Variants in PCDHA9 observed in about 807,000 individuals in gnomAD.
The protein encoded by PCDHA9 is protocadherin alpha 9, also known as protocadherin alpha-9.
In PCDHA9, 62 loss-of-function variants were observed where a neutral mutation model predicts 62.0. The ratio of observed to expected loss-of-function variants is 1.00; its 90% CI spans 0.81 to 1.23. The LOEUF (loss-of-function observed/expected upper bound fraction) is 1.23, where lower values mean the gene tolerates loss of function less well. PCDHA9 is among the 50% of genes most tolerant of loss of function. The pLI is 0.00. For missense variants in PCDHA9, 1,205 were observed against 1,249.8 expected, an observed-to-expected ratio of 0.96 and a Z score of 0.54; for synonymous variants, 557 against 567.6, an observed-to-expected ratio of 0.98 and a Z score of 0.27.
intron 1 of PCDHA9, chr5:140,867,813 C>A (rs1189080463): frequency 6.6e-6 from 1 of 152,032 alleles, no homozygotes; most frequent in African/African-American, 2.4e-5. Flanking sequence ...TATGAAATTC[C>A]ATTTCCACAA....
chr5:140,874,500 C>T (rs1241228989), intron 1 of PCDHA9, among the ~76,000 whole-genome samples: 1 of 152,220 alleles, frequency 6.6e-6, no homozygotes, highest in African/African-American at 2.4e-5. Context: ...ATCAAGTTCA[C>T]ATTCTCTTGA....
chr5:140,995,764 G>C (rs2097697128), intron 3 of PCDHA9, among the ~76,000 whole-genome samples: 1 of 152,134 alleles, frequency 6.6e-6, no homozygotes, highest in Non-Finnish European at 1.5e-5. Flanking sequence ...AGAAAATGTG[G>C]AGAGTGAAGG....
chr5:140,893,862 C>T (rs1376548113), intron 1 of PCDHA9, among the ~76,000 whole-genome samples: 1 of 152,158 alleles, frequency 6.6e-6, no homozygotes, highest in East Asian at 1.9e-4. Flanking sequence ...TGTATAGAAA[C>T]AACCCAGATC....
chr5:140,863,639 A>C, intron 1 of PCDHA9: 2 of 305,014 alleles, frequency 6.6e-6, no homozygotes, highest in South Asian at 6.1e-5. Context: ...ATGTTCACCA[A>C]GTTATTAATT....
At chr5:140,871,496 T>C in intron 1 of PCDHA9, 1 of 1,587,392 alleles carries the variant, frequency 6.3e-7, no homozygotes, top group Non-Finnish European at 8.6e-7. Flanking sequence ...CCCGGACAGG[T>C]GAGTTTTCTA....
Position 140,857,427 on chromosome 5 carries a change from C to A in PCDHA9, c.2394+6538C>A, listed in dbSNP as rs781871079. 21 of 1,598,334 alleles carry A rather than the reference C, an allele frequency of 1.3e-5. 1 individual carries two copies. The highest frequency in any genetic ancestry group is 4.4e-5 in the South Asian group (4 of 90,554). On this transcript the variant is annotated intron_variant, in intron 1 of 3. Transcript: ENST00000532602. ...CCTGCGTTCGCGCAGTCCGAGTACACGGTGTTCGTGAAGGAGAACAACCCG... is the reference window on the plus strand; with the variant it reads ...CCTGCGTTCGCGCAGTCCGAGTACAAGGTGTTCGTGAAGGAGAACAACCCG...
intron 1 of PCDHA9, chr5:140,884,203 C>G (rs554797854): frequency 6.2e-7 from 1 of 1,613,518 alleles, no homozygotes; most frequent in African/African-American, 1.3e-5. Context: ...CGCCGCACCA[C>G]CGCCTTCTGG....
Position 140,982,372 on chromosome 5 carries a change from C to G in PCDHA9, c.2454-103C>G, listed in dbSNP as rs1479669249. 1.9e-6 allele frequency: 3 copies of G among 1,554,840 alleles called. No homozygotes were observed. In the East Asian group the frequency reaches 7.0e-5, roughly 36 times the overall value. ...TTCAAGCATGAGCAGAATGTGTTAG[C>G]TGCAGCCCTGGCTTCATAGTTGTAA... On this transcript the variant is annotated intron_variant, in intron 2 of 3. Coordinates refer to ENST00000532602, the MANE Select transcript of PCDHA9 (RefSeq NM_031857.2).
At chr5:140,993,569 A>G (rs1311165766) in intron 3 of PCDHA9, among the ~76,000 whole-genome samples, 1 of 151,734 alleles carries the variant, frequency 6.6e-6, no homozygotes, top group East Asian at 1.9e-4. Flanking sequence ...TATCCTTTCT[A>G]GGGATGCTTT....
Position 141,009,965 on chromosome 5 carries a change from G to A in PCDHA9, c.*28G>A, listed in dbSNP as rs782001097. On this transcript the variant is annotated 3_prime_UTR_variant, in exon 4 of 4. Coordinates refer to ENST00000532602, the MANE Select transcript of PCDHA9 (RefSeq NM_031857.2). ...TCCTCAAATGGAAACAAGCCACTTA[G>A]CCAGTTTTTGTAATAATGGCAAATC... is the stretch of plus-strand genomic sequence containing the variant. 1.6e-5 allele frequency: 26 copies of A among 1,587,906 alleles called. No individual in the cohort carries two copies. Among genetic ancestry groups the A allele is most frequent in the Non-Finnish European group, 2.6e-6 (3 of 1,170,436 alleles).
At chr5:140,895,660 A>G (rs2065094898) in intron 1 of PCDHA9, among the ~76,000 whole-genome samples, 6 of 152,160 alleles carry the variant, frequency 3.9e-5, no homozygotes, top group Admixed American at 3.9e-4. Context: ...CTTATAAGTG[A>G]GAACATGTAG....
intron 1 of PCDHA9, among the ~76,000 whole-genome samples, chr5:140,937,469 T>C (rs1322050073): frequency 6.6e-6 from 1 of 152,210 alleles, no homozygotes; most frequent in Non-Finnish European, 1.5e-5. Flanking sequence ...ATACAAAAAT[T>C]AGCTGGACAT....
intron 1 of PCDHA9, among the ~76,000 whole-genome samples, chr5:140,892,561 A>G (rs766284976): frequency 1.3e-5 from 2 of 152,156 alleles, no homozygotes; most frequent in Non-Finnish European, 2.9e-5. Context: ...GTCCTTGGAG[A>G]CTGTCAAAAG....
intron 1 of PCDHA9, chr5:140,871,327 C>T (rs782093100): frequency 6.2e-6 from 10 of 1,613,984 alleles, no homozygotes; most frequent in East Asian, 4.5e-5. Context: ...GGTGTGCTCC[C>T]GCGCGGTGGG....
intron 3 of PCDHA9, among the ~76,000 whole-genome samples, chr5:141,007,087 A>G (rs1554261040): frequency 6.6e-6 from 1 of 152,112 alleles, no homozygotes; most frequent in African/African-American, 2.4e-5. Context: ...AATAGAGAAG[A>G]GAGTCTAGGG....
chr5:140,855,277 C>T (rs1581364290), intron 1 of PCDHA9, among the ~76,000 whole-genome samples: 2 of 149,744 alleles, frequency 1.3e-5, no homozygotes, highest in Middle Eastern at 3.4e-3. Context: ...ACTCAACCAC[C>T]GTATTACTAT....
At chr5:140,898,899 C>A (rs1457821018) in intron 1 of PCDHA9, among the ~76,000 whole-genome samples, 2 of 152,072 alleles carry the variant, frequency 1.3e-5, no homozygotes, top group Non-Finnish European at 2.9e-5. Context: ...TTGAAGAGGT[C>A]CTTCACGTCC....
At chr5:140,963,244 T>G (rs934081934) in intron 1 of PCDHA9, among the ~76,000 whole-genome samples, 6 of 152,104 alleles carry the variant, frequency 3.9e-5, no homozygotes, top group Admixed American at 3.3e-4. Flanking sequence ...ATGGATTAGG[T>G]AGGTTTTCAT....
intron 1 of PCDHA9, chr5:140,876,163 A>AC (rs782492210): frequency 6.2e-7 from 1 of 1,613,966 alleles, no homozygotes; most frequent in South Asian, 1.1e-5. Flanking sequence ...GATTCAAATA[A>AC]CCGTCCTGGA....
Sources: allele counts gnomAD v4.1 joint callset (sites outside exome capture counted in the v4.1 genomes callset), GRCh38; gene constraint gnomAD v4.1.1; transcripts MANE v1.5; gene names NCBI Gene and HGNC (gene_info 2026-07-23, HGNC 2026-07-21).